The following ASAH2 variants were observed in gnomAD, a reference collection of about 807,000 sequenced individuals.
The protein encoded by ASAH2 is N-acylsphingosine amidohydrolase 2.
In ASAH2, 58 loss-of-function variants were observed where a neutral mutation model predicts 82.9. The ratio of observed to expected loss-of-function variants is 0.70; its 90% CI spans 0.57 to 0.87. ASAH2 has a LOEUF of 0.87. Among genes scored for constraint, ASAH2 ranks in the 40% least tolerant of loss-of-function variants. The pLI is 0.00. For missense variants in ASAH2, 779 were observed against 834.0 expected (o/e 0.93, Z 0.81); for synonymous variants, 276 against 289.7 (o/e 0.95, Z 0.48).
chr10:50,202,863 T>C lies in ASAH2; in HGVS notation c.1727A>G (p.Tyr576Cys). The C allele has an allele frequency of 6.2e-7, 1 of 1,611,960 alleles. No homozygotes were observed. The highest frequency in any genetic ancestry group is 1.1e-5 in the South Asian group (1 of 91,032). ...TVVISGLCNV[Y>C]THYITTYEEY... is the part of the protein sequence containing the mutation. The stretch of plus-strand genomic sequence containing the variant: ...TTCATAAGTGGTAATGTAATGTGTA[T>C]AGACGTTGCATAGACCTGAAATAAC... The change falls in exon 16 of 21, where the codon TAT becomes TGT. Residue 576 changes from tyrosine (Y) to cysteine (C), a missense_variant. Physicochemically the swap from Tyr to Cys is radical, Grantham distance 194. Around this residue, in one of 3 missense-constraint regions of ASAH2, gnomAD observed 759 missense variants for 755.2 expected, o/e 1.00. Transcript: ENST00000682911.
intron 16 of ASAH2, among the ~76,000 whole-genome samples, chr10:50,202,156 G>T (rs1192060771): frequency 5.3e-5 from 8 of 152,072 alleles, no homozygotes; most frequent in Non-Finnish European, 1.2e-4. Context: ...TCTACTCTTA[G>T]TATCACTGAA....
At chr10:50,203,834 T>A (rs987387363) in intron 14 of ASAH2, among the ~76,000 whole-genome samples, 155 bp from the exon 15 acceptor site, 10 of 151,942 alleles carry the variant, frequency 6.6e-5, no homozygotes, top group African/African-American at 2.4e-4. Flanking sequence ...AAACTTGAAC[T>A]TTTTTTCTGC....
In ASAH2 at chr10:50,243,258, G is replaced by T; in HGVS notation, c.454C>A (p.Arg152=). The change falls in exon 4 of 21, where the codon CGA becomes AGA. Residue 152 remains arginine, a synonymous_variant. Coordinates refer to ENST00000682911, the MANE Select transcript of ASAH2 (RefSeq NM_019893.4). ...ATGTCGATGCTGACAAACACTGTTC[G>T]ATTGGACCCATCAGGTTCTGCCATG... ...FIMAEPDGSN[R]TVFVSIDIGM... The T allele has an allele frequency of 6.2e-7, 1 of 1,614,012 alleles. No individual in the cohort carries two copies. The highest frequency in any genetic ancestry group is 8.5e-7 in the Non-Finnish European group (1 of 1,179,966).
chr10:50,185,709 C>T lies in ASAH2; in HGVS notation c.*1606G>A, dbSNP rs1228015531. On this transcript the variant is annotated 3_prime_UTR_variant, in exon 21 of 21. Coordinates refer to ENST00000682911, the MANE Select transcript of ASAH2 (RefSeq NM_019893.4). ...TACCTAATCCTCCAGCAGTTAATGC[C>T]CAAGGAAACAGCCTCTAGGATACCA... The T allele has an allele frequency of 3.6e-5, 5 of 139,858 alleles. No homozygotes were observed. Among genetic ancestry groups the T allele is most frequent in the Admixed American group, 2.8e-4 (4 of 14,096 alleles). The allele number at this position is 139,858 out of a possible 1,614,324, so 8.7% of individuals were successfully genotyped here. A position where few individuals can be genotyped will look rare whatever the true frequency, so the allele number is the denominator to read the frequency against.
At chr10:50,238,080 G>T (rs531683524) in intron 4 of ASAH2, among the ~76,000 whole-genome samples, 2 of 152,240 alleles carry the variant, frequency 1.3e-5, no homozygotes, top group East Asian at 1.9e-4. Context: ...GCCCTCATTT[G>T]TATTGTTCAC....
chr10:50,247,052 A>G (rs1846476743), intron 2 of ASAH2, among the ~76,000 whole-genome samples: 1 of 152,240 alleles, frequency 6.6e-6, no homozygotes, highest in Non-Finnish European at 1.5e-5. Flanking sequence ...CATTTAATAA[A>G]CAGTAACTAC....
rs539716343 is a variant in ASAH2, at chr10:50,187,075, T to C, written c.*240A>G. On this transcript the variant is annotated 3_prime_UTR_variant, in exon 21 of 21. Coordinates refer to ENST00000682911, the MANE Select transcript of ASAH2 (RefSeq NM_019893.4). ...TATATGGCTGCTGGAGCAAGATATA[T>C]GGGACAAACCTCTCTCTCTCTCTCT... is the stretch of plus-strand genomic sequence containing the variant. 92,497 of 387,534 alleles carry C rather than the reference T, an allele frequency of 0.24. 12,972 individuals are homozygous for C. Among genetic ancestry groups the C allele is most frequent in the Non-Finnish European group, 0.3 (62,370 of 211,390 alleles). The allele number at this position is 387,534 out of a possible 1,614,324, so 24.0% of individuals were successfully genotyped here. A position where few individuals can be genotyped will look rare whatever the true frequency, so the allele number is the denominator to read the frequency against.
chr10:50,195,611 C>G (rs1384134501), intron 18 of ASAH2, among the ~76,000 whole-genome samples: 1 of 151,616 alleles, frequency 6.6e-6, no homozygotes, highest in Non-Finnish European at 1.5e-5. Context: ...TATTGCAGCA[C>G]TGTTCACAAT....
At chr10:50,203,036 T>C (rs1845198138) in intron 15 of ASAH2, 112 bp from the exon 16 acceptor site, 1 of 812,502 alleles carries the variant, frequency 1.2e-6, no homozygotes, top group African/African-American at 1.7e-5. Flanking sequence ...AAGATATTTT[T>C]CTTAATAAAA....
At chr10:50,241,249 T>A (rs1452454073) in intron 4 of ASAH2, among the ~76,000 whole-genome samples, 2 of 152,176 alleles carry the variant, frequency 1.3e-5, no homozygotes, top group Non-Finnish European at 2.9e-5. Context: ...GACCCATAGA[T>A]CATGTGAAAT....
At chr10:50,219,112 A>T (rs1845681454) in intron 7 of ASAH2, among the ~76,000 whole-genome samples, 1 of 152,232 alleles carries the variant, frequency 6.6e-6, no homozygotes, top group African/African-American at 2.4e-5. Context: ...CGTTGCGAAG[A>T]AACAGGCATA....
At chr10:50,213,624 G>A (rs978310327) in intron 9 of ASAH2, among the ~76,000 whole-genome samples, 1 of 152,056 alleles carries the variant, frequency 6.6e-6, no homozygotes, top group Non-Finnish European at 1.5e-5. Flanking sequence ...TGTAGTATGA[G>A]GGTGTGGGCA....
At chr10:50,195,688 T>A (rs1844957723) in intron 18 of ASAH2, among the ~76,000 whole-genome samples, 1 of 151,870 alleles carries the variant, frequency 6.6e-6, no homozygotes, top group Non-Finnish European at 1.5e-5. Flanking sequence ...GTAGTACATA[T>A]ACACAATGGA....
chr10:50,186,038 T>C lies in ASAH2; in HGVS notation c.*1277A>G, dbSNP rs2133187967. 6.7e-6 allele frequency: 1 copy of C among 149,904 alleles called. No individual in the cohort carries two copies. Among genetic ancestry groups the C allele is most frequent in the African/African-American group, 2.5e-5 (1 of 40,192 alleles). 9.3% of individuals were successfully genotyped at this position (149,904 alleles called of 1,614,324 possible). On this transcript the variant is annotated 3_prime_UTR_variant, in exon 21 of 21. Transcript: ENST00000682911. ...TGTCAGACTGTCATATCTTATTCTT[T>C]GGGGTATGAAGCAAGGTATTTTACA...
intron 2 of ASAH2, among the ~76,000 whole-genome samples, chr10:50,246,133 C>G (rs1589362301): frequency 6.6e-6 from 1 of 152,222 alleles, no homozygotes; most frequent in Admixed American, 6.5e-5. Flanking sequence ...TATACACACA[C>G]ATACAAATAT....
At chr10:50,210,978 A>C in intron 11 of ASAH2, 52 bp downstream of exon 11, 6 of 1,601,960 alleles carry the variant, frequency 3.7e-6, no homozygotes, top group Non-Finnish European at 5.1e-6. Flanking sequence ...TAATGAGATC[A>C]AACCAAAACT....
intron 3 of ASAH2, 64 bp from the exon 4 acceptor site, chr10:50,243,415 A>T (rs1043408788): frequency 6.4e-7 from 1 of 1,565,424 alleles, no homozygotes; most frequent in Non-Finnish European, 8.7e-7. Context: ...AACCAGGCAC[A>T]AACATACAAT....
At chr10:50,241,244 A>G (rs1846284870) in intron 4 of ASAH2, among the ~76,000 whole-genome samples, 1 of 152,206 alleles carries the variant, frequency 6.6e-6, no homozygotes, top group Non-Finnish European at 1.5e-5. Context: ...TTCCTGACCC[A>G]TAGATCATGT....
Position 50,205,968 on chromosome 10 carries a change from C to T in ASAH2, c.1530+14G>A, listed in dbSNP as rs1334778182. Reference sequence around the variant, plus strand: ...CAATATGCTAATTTCACTATGATAACGAAAATGCATTACTTCTCCGGTGTG... The same window carrying T: ...CAATATGCTAATTTCACTATGATAATGAAAATGCATTACTTCTCCGGTGTG... On this transcript the variant is annotated intron_variant, in intron 13 of 20. Coordinates refer to ENST00000682911, the MANE Select transcript of ASAH2 (RefSeq NM_019893.4). The T allele has an allele frequency of 1.5e-5, 23 of 1,583,206 alleles. No individual in the cohort carries two copies. Among genetic ancestry groups the T allele is most frequent in the African/African-American group, 1.2e-4 (9 of 74,198 alleles).
Sources: allele counts gnomAD v4.1 joint callset (sites outside exome capture counted in the v4.1 genomes callset), GRCh38; gene constraint gnomAD v4.1.1; regional missense constraint gnomAD v4.1.1; transcripts MANE v1.5; gene names NCBI Gene and HGNC (gene_info 2026-07-23, HGNC 2026-07-21).